Variants in SARDH observed in about 807,000 individuals in gnomAD.
SARDH encodes the protein sarcosine dehydrogenase, mitochondrial.
Under a neutral mutation model 109.1 loss-of-function variants are expected in SARDH, and 95 were observed. That is an observed-to-expected ratio of 0.87 (90% CI 0.74 to 1.03). SARDH has a LOEUF of 1.03. Among genes scored for constraint, SARDH ranks in the 50% least tolerant of loss-of-function variants. SARDH has a pLI of 0.00. For synonymous variants in SARDH, 572 were observed against 534.8 expected, an observed-to-expected ratio of 1.07 and a Z score of -0.96; for missense variants, 1,267 against 1,287.8, an observed-to-expected ratio of 0.98 and a Z score of 0.25.
intron 19 of SARDH, chr9:133,667,223 G>C: frequency 4.0e-6 from 2 of 496,262 alleles, no homozygotes; most frequent in South Asian, 5.4e-5. Flanking sequence ...TTTTGGTGCA[G>C]TGGCACAATC....
chr9:133,736,251 C>T (rs944056188), intron 1 of SARDH, among the ~76,000 whole-genome samples: 3 of 152,236 alleles, frequency 2.0e-5, no homozygotes, highest in Admixed American at 2.0e-4. Context: ...GAGCAGCCCC[C>T]CGCCTGGAAT....
At chr9:133,703,260 G>A in intron 12 of SARDH, 1 of 553,968 alleles carries the variant, frequency 1.8e-6, no homozygotes, top group Non-Finnish European at 3.3e-6. Flanking sequence ...TGAGAGCCCA[G>A]CCAGGGCCCA....
At chr9:133,691,175 C>A (rs533057400) in intron 15 of SARDH, among the ~76,000 whole-genome samples, 18 of 133,032 alleles carry the variant, frequency 1.4e-4, no homozygotes, top group African/African-American at 5.8e-4. Flanking sequence ...CCCCAACACA[C>A]ACACACACAC....
chr9:133,679,055 G>C (rs1024983658), intron 17 of SARDH, among the ~76,000 whole-genome samples: 1 of 152,186 alleles, frequency 6.6e-6, no homozygotes, highest in Non-Finnish European at 1.5e-5. Context: ...AAACCCGGGT[G>C]GGGGTCGAAG....
chr9:133,685,787 G>A (rs1344677784), intron 16 of SARDH, among the ~76,000 whole-genome samples: 1 of 152,186 alleles, frequency 6.6e-6, no homozygotes, highest in Non-Finnish European at 1.5e-5. Flanking sequence ...GAAGAGTAGA[G>A]TAACTTGCCC....
rs1000533106 is a variant in SARDH, at chr9:133,713,267, G to C, written c.1151-143C>G. On this transcript the variant is annotated intron_variant, in intron 8 of 20. Coordinates refer to ENST00000439388, the MANE Select transcript of SARDH (RefSeq NM_001134707.2). Reference sequence around the variant, plus strand: ...CTCCCTCCTCTAGGCCCTGCTCAGCGCCACTTCCTCATGGGGGCCTCCCCG... The same window carrying C: ...CTCCCTCCTCTAGGCCCTGCTCAGCCCCACTTCCTCATGGGGGCCTCCCCG... 9 of 665,056 alleles carry C rather than the reference G, an allele frequency of 1.4e-5. No individual in the cohort carries two copies. The Admixed American group carries it at 2.4e-4, about 18-fold the overall frequency. 41.2% of individuals were successfully genotyped at this position (665,056 alleles called of 1,614,324 possible).
chr9:133,684,022 C>T (rs1353078810), intron 17 of SARDH, among the ~76,000 whole-genome samples: 2 of 151,634 alleles, frequency 1.3e-5, no homozygotes, highest in South Asian at 2.1e-4. Context: ...TGGGTAACAT[C>T]CGTCATGCAG....
rs1220923335 is a variant in SARDH, at chr9:133,717,358, T to G, written c.1118A>C (p.Lys373Thr). The G allele has an allele frequency of 6.2e-7, 1 of 1,614,062 alleles. No homozygotes were observed. Among genetic ancestry groups the G allele is most frequent in the Admixed American group, 1.7e-5 (1 of 60,014 alleles). Residue 373 changes from lysine to threonine, a missense_variant, in exon 8 of 21, where the codon AAG (lysine) becomes ACG (threonine). Coordinates refer to ENST00000439388, the MANE Select transcript of SARDH (RefSeq NM_001134707.2). ...GCAGACCGTGGACTTGATTCCTGTC[T>G]TCTCCAGCACGGGGACCCTGTTGAT... Reference protein sequence around the residue: ...GAINRVPVLEKTGIKSTVCGP... With the variant: ...GAINRVPVLETTGIKSTVCGP...
In SARDH at chr9:133,729,785, C is replaced by T. The variant is rs757833458; in HGVS notation, c.895G>A (p.Glu299Lys). ...CCTACCTGAATCCCCTCGATGCGCT[C>T]GGTGACGACATAGGCATGGTGCATG... Reference protein sequence around the residue: ...VAMHHAYVVTERIEGIQNMPN... With the variant: ...VAMHHAYVVTKRIEGIQNMPN... The change falls in exon 6 of 21, where the codon GAG (glutamate) becomes AAG (lysine). Residue 299 changes from glutamate to lysine, a missense_variant. By Grantham distance (56) the Glu-to-Lys change is moderately conservative. Transcript: ENST00000439388. The T allele has an allele frequency of 9.3e-6, 15 of 1,612,932 alleles. 1 individual carries two copies. The highest frequency in any genetic ancestry group is 2.2e-5 in the East Asian group (1 of 44,880).
At chr9:133,727,613 A>G (rs564559113) in intron 6 of SARDH, among the ~76,000 whole-genome samples, 1 of 152,296 alleles carries the variant, frequency 6.6e-6, no homozygotes, top group South Asian at 2.1e-4. Flanking sequence ...ACACCTGCAC[A>G]TGGCCAGGTG....
intron 11 of SARDH, 96 bp downstream of exon 11, chr9:133,708,191 C>T (rs760744411): frequency 1.9e-4 from 267 of 1,419,328 alleles, no homozygotes; most frequent in Non-Finnish European, 2.3e-4. Flanking sequence ...ACCTGACCTG[C>T]GGTTGGGGTA....
In SARDH at chr9:133,679,264, G is replaced by A. The variant is rs562560504; in HGVS notation, c.2163+5929C>T. On this transcript the variant is annotated intron_variant, in intron 17 of 20. Transcript: ENST00000439388. ...TCTCAGGCCTCAGCAAATCTGCACG[G>A]GTTCTGTAAAGCGAGTGTTTAGGCA... Among the ~76,000 whole-genome samples the A allele has an allele frequency of 1.4e-4, 21 of 152,336 alleles. No individual in the cohort carries two copies. The South Asian group carries it at 4.1e-3, about 30-fold the overall frequency.
In SARDH at chr9:133,731,458, G is replaced by C. The variant is rs755782248; in HGVS notation, c.537C>G (p.Ser179=). Residue 179 remains serine (S), a synonymous_variant, in exon 4 of 21, where the codon TCC becomes TCG. Transcript: ENST00000439388. ...MSLGKAYGVE[S]HVLSPAETKT... is the part of the protein sequence containing the mutation. ...TGGTCTCTGCCGGGCTCAGCACATG[G>C]GATTCCACACCATACGCCTTGCCCA... 6.2e-7 allele frequency: 1 copy of C among 1,614,138 alleles called. No homozygotes were observed. The highest frequency in any genetic ancestry group is 2.2e-5 in the East Asian group (1 of 44,878).
In SARDH at chr9:133,717,536, CT is replaced by C; in HGVS notation, c.1021-82del. 3 of 1,570,096 alleles carry C rather than the reference CT, an allele frequency of 1.9e-6. No homozygotes were observed. In the South Asian group the frequency reaches 3.5e-5, roughly 18 times the overall value. On this transcript the variant is annotated intron_variant, in intron 7 of 20. Transcript: ENST00000439388. ...CCATGCCAAACCTGCCTTGTGATGG[CT>C]GCCAGGCCAGCCTCTGCTGAATCAG...
At position 133,692,150 on chromosome 9, in the gene SARDH, A is replaced by G. The variant is rs1159925552; in HGVS notation, c.1922-1623T>C. On this transcript the variant is annotated intron_variant, in intron 15 of 20. Coordinates refer to ENST00000439388, the MANE Select transcript of SARDH (RefSeq NM_001134707.2). This position sits in a 1 kb window ranked among gnomAD's most constrained non-coding sequence, Gnocchi z 5.0. Reference sequence around the variant, plus strand: ...CCCAGCACCCCCAGACTCTGACTCAATTCTCCATCGCAGCCCCGGGAGGCG... The same window carrying G: ...CCCAGCACCCCCAGACTCTGACTCAGTTCTCCATCGCAGCCCCGGGAGGCG... Among the ~76,000 whole-genome samples, 1 of 151,966 alleles carries G rather than the reference A, an allele frequency of 6.6e-6. No homozygotes were observed. The highest frequency in any genetic ancestry group is 2.4e-5 in the African/African-American group (1 of 41,352).
chr9:133,661,462 G>C (rs1231314218), downstream of SARDH, among the ~76,000 whole-genome samples: 2 of 151,992 alleles, frequency 1.3e-5, no homozygotes, highest in African/African-American at 2.4e-5. Flanking sequence ...CGCTCTGCCG[G>C]TGACGATGTA....
rs1832807642 is a variant in SARDH at position 133,734,412 on chromosome 9, TTCATTCATTCATTCACTCATTCATTCAC to T, written c.-30-237_-30-210del. On this transcript the variant is annotated intron_variant, in intron 1 of 20. Transcript: ENST00000439388. ...ATTCATTCACTCATTCATTCACTCA[TTCATTCATTCATTCACTCATTCATTCAC>T]TCATTCATTCATTCATTCACTCATT... is the stretch of plus-strand genomic sequence containing the variant. Among the ~76,000 whole-genome samples the T allele has an allele frequency of 7.9e-5, 10 of 127,364 alleles. 1 individual carries two copies. Among genetic ancestry groups the T allele is most frequent in the African/African-American group, 3.3e-4 (8 of 24,192 alleles). The allele number at this position is 127,364 out of a possible 152,430, so 83.6% of individuals were successfully genotyped here. A position where few individuals can be genotyped will look rare whatever the true frequency, so the allele number is the denominator to read the frequency against.
In SARDH at chr9:133,712,870, C is replaced by A; in HGVS notation, c.1238-161G>T. The A allele has an allele frequency of 1.1e-6, 1 of 928,974 alleles. No homozygotes were observed. The highest frequency in any genetic ancestry group is 1.6e-6 in the Non-Finnish European group (1 of 608,796). 57.5% of individuals were successfully genotyped at this position (928,974 alleles called of 1,614,324 possible). On this transcript the variant is annotated intron_variant, in intron 9 of 20. Transcript: ENST00000439388. The surrounding 1 kb of genome is among the most constrained non-coding windows in gnomAD (Gnocchi z 4.1). The stretch of plus-strand genomic sequence containing the variant: ...CTGATTGGACTGCTGCTGGACTGGA[C>A]CCTGGCACAGGTGCACTCTCTGGGA...
chr9:133,736,253 G>C (rs538543479), intron 1 of SARDH, among the ~76,000 whole-genome samples: 1 of 152,142 alleles, frequency 6.6e-6, no homozygotes, highest in Non-Finnish European at 1.5e-5. Flanking sequence ...GCAGCCCCCC[G>C]CCTGGAATCC....
Sources: allele counts gnomAD v4.1 joint callset (sites outside exome capture counted in the v4.1 genomes callset), GRCh38; gene constraint gnomAD v4.1.1; non-coding constraint Gnocchi (gnomAD v3.1); transcripts MANE v1.5; gene names NCBI Gene and HGNC (gene_info 2026-07-23, HGNC 2026-07-21).